R3HDM1: variants seen among roughly 807,000 people sequenced by gnomAD.
The protein encoded by R3HDM1 is R3H domain containing 1.
R3HDM1 carries 46 observed loss-of-function variants against 141.1 expected under a neutral mutation model. That is an observed-to-expected ratio of 0.33 (90% CI 0.26 to 0.42). The LOEUF is 0.42. Among genes scored for constraint, R3HDM1 ranks in the 10% least tolerant of loss-of-function variants. The pLI is 1.00. For synonymous variants in R3HDM1, 435 were observed against 472.9 expected (o/e 0.92, Z 1.04); for missense variants, 1,184 against 1,368.3 (o/e 0.87, Z 2.12).
intron 7 of R3HDM1, among the ~76,000 whole-genome samples, chr2:135,629,093 G>A (rs932100366): frequency 6.6e-6 from 1 of 152,062 alleles, no homozygotes; most frequent in Non-Finnish European, 1.5e-5. Flanking sequence ...GAGGCGGGTG[G>A]ATCACCTTAG....
intron 7 of R3HDM1, among the ~76,000 whole-genome samples, chr2:135,627,344 C>A (rs1292360256): frequency 6.6e-6 from 1 of 151,950 alleles, no homozygotes; most frequent in Non-Finnish European, 1.5e-5. Flanking sequence ...TCTTTAATTT[C>A]AAGATTTTTG....
intron 1 of R3HDM1, among the ~76,000 whole-genome samples, chr2:135,587,519 A>G (rs559906345): frequency 1.3e-5 from 2 of 152,278 alleles, no homozygotes; most frequent in South Asian, 4.1e-4. Context: ...CAACTGTGTA[A>G]GTAATTAGGG....
At chr2:135,554,902 G>A (rs907858618) in intron 1 of R3HDM1, among the ~76,000 whole-genome samples, 6 of 152,086 alleles carry the variant, frequency 3.9e-5, no homozygotes, top group Non-Finnish European at 5.9e-5. Flanking sequence ...AGAAGCCCTC[G>A]CAAACTACTA....
Position 135,645,275 on chromosome 2 carries a change from T to A in R3HDM1, c.1475-104T>A, listed in dbSNP as rs1392236231. The stretch of plus-strand genomic sequence containing the variant: ...TTCAAATATTAGGGTTTTTTTTTAA[T>A]TGTGGTTAAAGGATTTTGGACATGC... On this transcript the variant is annotated intron_variant, in intron 15 of 26. Coordinates refer to ENST00000683871, the MANE Select transcript of R3HDM1 (RefSeq NM_001378107.1). 2.2e-5 allele frequency: 22 copies of A among 996,246 alleles called. No homozygotes were observed. In the East Asian group the frequency reaches 5.5e-4, roughly 25 times the overall value. 61.7% of individuals were successfully genotyped at this position (996,246 alleles called of 1,614,324 possible).
chr2:135,722,620 C>A, intron 26 of R3HDM1, 67 bp downstream of exon 26: 6 of 1,440,766 alleles, frequency 4.2e-6, no homozygotes, highest in Non-Finnish European at 5.7e-6. Flanking sequence ...TACACCACAG[C>A]ACAGAAATGG....
At chr2:135,608,873 AC>A (rs1311546741) in intron 3 of R3HDM1, among the ~76,000 whole-genome samples, 1 of 152,212 alleles carries the variant, frequency 6.6e-6, no homozygotes, top group Non-Finnish European at 1.5e-5. Context: ...ATTATAACTT[AC>A]ATCTGTTATC....
At position 135,631,847 on chromosome 2, in the gene R3HDM1, T is replaced by C; in HGVS notation, c.558-14T>C. The C allele has an allele frequency of 6.3e-7, 1 of 1,598,868 alleles. No individual in the cohort carries two copies. The highest frequency in any genetic ancestry group is 8.5e-7 in the Non-Finnish European group (1 of 1,174,066). ...CTCCTTGACTTACTAAGTTGGTTTT[T>C]CTTGTGCTTCTAGGTCTCCACGTAA... On this transcript the variant is annotated splice_polypyrimidine_tract_variant and intron_variant, in intron 8 of 26. Coordinates refer to ENST00000683871, the MANE Select transcript of R3HDM1 (RefSeq NM_001378107.1).
intron 15 of R3HDM1, among the ~76,000 whole-genome samples, chr2:135,643,791 A>G (rs944345407): frequency 6.6e-6 from 1 of 152,260 alleles, no homozygotes; most frequent in Non-Finnish European, 1.5e-5. Flanking sequence ...ATAAAAAAGA[A>G]TAAGATCATG....
chr2:135,615,319 G>T (rs2060922893), intron 3 of R3HDM1, among the ~76,000 whole-genome samples: 2 of 151,906 alleles, frequency 1.3e-5, no homozygotes, highest in Admixed American at 1.3e-4. Context: ...TTTGTTACCA[G>T]ACTGGCTCCC....
At chr2:135,586,885 C>T (rs1708060186) in intron 1 of R3HDM1, 1 of 984,992 alleles carries the variant, frequency 1.0e-6, no homozygotes, top group African/African-American at 1.7e-5. Context: ...AATAGACATA[C>T]TATATGGCTT....
chr2:135,615,247 G>T (rs987001802), intron 3 of R3HDM1, among the ~76,000 whole-genome samples: 13 of 146,070 alleles, frequency 8.9e-5, no homozygotes, highest in African/African-American at 3.0e-4. Flanking sequence ...AAAATGATGG[G>T]TTTTTTTTTT....
rs2075378213 is a variant in R3HDM1, at chr2:135,709,521, G to A, written c.2548G>A (p.Gly850Ser). ...TSPCSSQQLQ[G>S]HQCTAGPPPP... ...ACCATGCAGTTCCCAGCAGCTTCAA[G>A]GCCACCAATGTACAGGTATAAAGAA... Residue 850 changes from glycine (G) to serine (S), a missense_variant, in exon 22 of 27, where the codon GGC becomes AGC. Coordinates refer to ENST00000683871, the MANE Select transcript of R3HDM1 (RefSeq NM_001378107.1). 1 of 1,614,052 alleles carries A rather than the reference G, an allele frequency of 6.2e-7. No individual in the cohort carries two copies. The highest frequency in any genetic ancestry group is 1.6e-4 in the Middle Eastern group (1 of 6,062).
chr2:135,651,987 G>A lies in R3HDM1; in HGVS notation c.1983G>A (p.Gln661=). The change falls in exon 18 of 27, where the codon CAG becomes CAA. Residue 661 remains glutamine, a synonymous_variant. Transcript: ENST00000683871. ...GYPASGHPVS[Q]PVLQQQGYIQ... is the part of the protein sequence containing the mutation. ...CTGCCTCTGGTCATCCTGTCAGCCA[G>A]CCTGTGCTCCAGCAGCAGGGATATA... 1.2e-6 allele frequency: 2 copies of A among 1,610,498 alleles called. No individual in the cohort carries two copies. The highest frequency in any genetic ancestry group is 1.7e-6 in the Non-Finnish European group (2 of 1,177,836).
intron 1 of R3HDM1, among the ~76,000 whole-genome samples, chr2:135,534,140 A>C (rs1281493437): frequency 6.6e-6 from 1 of 152,158 alleles, no homozygotes; most frequent in Non-Finnish European, 1.5e-5. Flanking sequence ...TTTGACTTTG[A>C]ATTAAAATGC....
At chr2:135,717,922 G>A (rs1276371253) in intron 24 of R3HDM1, among the ~76,000 whole-genome samples, 1 of 152,054 alleles carries the variant, frequency 6.6e-6, no homozygotes, top group African/African-American at 2.4e-5. Context: ...GCTCAAACTG[G>A]ACATGACCAA....
rs1036217481 is a variant in R3HDM1, at chr2:135,570,376, T to G, written c.-249-32124T>G. On this transcript the variant is annotated intron_variant, in intron 1 of 26. Transcript: ENST00000683871. The stretch of plus-strand genomic sequence containing the variant: ...TACATAAGCAAATATTGCCTTCTAC[T>G]TTGTGGCCCATGTACTTGCAAACAA... 6.8e-4 allele frequency among the ~76,000 whole-genome samples: 103 copies of G among 152,254 alleles called. 1 individual carries two copies. The highest frequency in any genetic ancestry group is 6.4e-3 in the Admixed American group (98 of 15,282).
At chr2:135,579,952 TA>T (rs1706413522) in intron 1 of R3HDM1, among the ~76,000 whole-genome samples, 1 of 152,164 alleles carries the variant, frequency 6.6e-6, no homozygotes, top group Non-Finnish European at 1.5e-5. Context: ...TTATTTCCAA[TA>T]AAACATCTTT....
At chr2:135,656,117 T>C (rs2065856087) in intron 18 of R3HDM1, among the ~76,000 whole-genome samples, 1 of 149,878 alleles carries the variant, frequency 6.7e-6, no homozygotes, top group Non-Finnish European at 1.5e-5. Flanking sequence ...ATATTTATCA[T>C]GTCTTCCTGA....
chr2:135,546,522 C>T (rs1043933882), intron 1 of R3HDM1, among the ~76,000 whole-genome samples: 5 of 152,158 alleles, frequency 3.3e-5, no homozygotes, highest in Admixed American at 6.5e-5. Flanking sequence ...CCTTTATATT[C>T]CCCTTGGCTG....
Sources: gnomAD v4.1 joint callset for allele counts (sites outside exome capture counted in the v4.1 genomes callset) on GRCh38, gnomAD v4.1.1 for gene constraint, MANE v1.5 for transcripts, NCBI Gene and HGNC (gene_info 2026-07-23, HGNC 2026-07-21) for gene names.